UBE2E2: variants seen among roughly 807,000 people sequenced by gnomAD.
UBE2E2 encodes the protein ubiquitin conjugating enzyme E2 E2, also known as ubiquitin-conjugating enzyme E2 E2.
In UBE2E2, 6 loss-of-function variants were observed where a neutral mutation model predicts 24.7. The ratio of observed to expected loss-of-function variants is 0.24; its 90% confidence interval spans 0.13 to 0.48. The LOEUF is 0.48. Among genes scored for constraint, UBE2E2 ranks in the 20% least tolerant of loss-of-function variants. UBE2E2 has a pLI of 0.99. For synonymous variants in UBE2E2, 104 were observed against 83.6 expected (o/e 1.24, Z -1.33); for missense variants, 169 against 245.0 (o/e 0.69, Z 2.07).
Position 23,554,153 on chromosome 3 carries a change from G to A in UBE2E2, c.508+21452G>A, listed in dbSNP as rs1322852178. Among the ~76,000 whole-genome samples, 5 of 152,290 alleles carry A rather than the reference G, an allele frequency of 3.3e-5. No individual in the cohort carries two copies. The East Asian group carries it at 9.6e-4, about 29-fold the overall frequency. On this transcript the variant is annotated intron_variant, in intron 5 of 5. Transcript: ENST00000396703. ...TTTTAAATTTTATTTCAAAGCTATA[G>A]TATATAGCTATAGTAATCAAAACAG... is the stretch of plus-strand genomic sequence containing the variant.
chr3:23,245,017 A>G (rs1229872949), intron 3 of UBE2E2, among the ~76,000 whole-genome samples: 1 of 152,138 alleles, frequency 6.6e-6, no homozygotes, highest in Non-Finnish European at 1.5e-5. Context: ...CTGATTTCAG[A>G]TACTCCTTAT....
intron 3 of UBE2E2, among the ~76,000 whole-genome samples, chr3:23,412,693 A>G (rs912502905): frequency 6.6e-6 from 1 of 152,196 alleles, no homozygotes; most frequent in Non-Finnish European, 1.5e-5. Context: ...CCTTTATTCA[A>G]GTACACTGAC....
At chr3:23,565,933 C>T (rs944079053) in intron 5 of UBE2E2, among the ~76,000 whole-genome samples, 1 of 152,132 alleles carries the variant, frequency 6.6e-6, no homozygotes, top group Non-Finnish European at 1.5e-5. Flanking sequence ...ACCAGAATGA[C>T]AATGTAGACT....
At chr3:23,537,559 T>C (rs1480303511) in intron 5 of UBE2E2, among the ~76,000 whole-genome samples, 2 of 152,180 alleles carry the variant, frequency 1.3e-5, no homozygotes, top group Non-Finnish European at 2.9e-5. Context: ...TCTTCTCAAA[T>C]GGACTGAGCA....
intron 3 of UBE2E2, among the ~76,000 whole-genome samples, chr3:23,243,488 C>T (rs759698503): frequency 4.7e-4 from 71 of 152,272 alleles, no homozygotes; most frequent in Middle Eastern, 6.8e-3. Flanking sequence ...TCTTTCTGAT[C>T]ATTTTATTTT....
In UBE2E2 at chr3:23,583,827, G is replaced by T. The variant is rs955959303; in HGVS notation, c.509-5907G>T. Among the ~76,000 whole-genome samples the T allele has an allele frequency of 3.9e-5, 6 of 152,246 alleles. No individual in the cohort carries two copies. Among genetic ancestry groups the T allele is most frequent in the Non-Finnish European group, 5.9e-5 (4 of 68,018 alleles). ...AGGGAGCTTTGGGGCAGAGACAGTG[G>T]GGTTTTCTAGGTATAGAATCATATC... is the stretch of plus-strand genomic sequence containing the variant. On this transcript the variant is annotated intron_variant, in intron 5 of 5. Transcript: ENST00000396703. This position sits in a 1 kb window ranked among gnomAD's most constrained non-coding sequence, Gnocchi z 4.1.
At chr3:23,372,795 T>C (rs1291013608) in intron 3 of UBE2E2, among the ~76,000 whole-genome samples, 1 of 152,210 alleles carries the variant, frequency 6.6e-6, no homozygotes, top group Non-Finnish European at 1.5e-5. Flanking sequence ...ACTATATAGA[T>C]ATGGATTAAT....
chr3:23,306,775 T>C (rs1412714385), intron 3 of UBE2E2, among the ~76,000 whole-genome samples: 1 of 152,204 alleles, frequency 6.6e-6, no homozygotes, highest in Non-Finnish European at 1.5e-5. Flanking sequence ...CCATGGATGC[T>C]GATTTTAGAA....
chr3:23,493,569 G>A (rs1699543217), intron 3 of UBE2E2, among the ~76,000 whole-genome samples: 1 of 152,072 alleles, frequency 6.6e-6, no homozygotes, highest in African/African-American at 2.4e-5. Context: ...AAAACAGTAA[G>A]GGAATTGATC....
intron 5 of UBE2E2, among the ~76,000 whole-genome samples, chr3:23,533,995 A>G (rs1695193461): frequency 1.3e-5 from 2 of 152,314 alleles, no homozygotes; most frequent in South Asian, 4.1e-4. Flanking sequence ...TACAGACAGT[A>G]AAGTCCAATA....
At chr3:23,273,967 ATTC>A (rs1698317657) in intron 3 of UBE2E2, 1 of 152,252 alleles carries the variant, frequency 6.6e-6, no homozygotes, top group East Asian at 1.9e-4. Flanking sequence ...AACAAACTTG[ATTC>A]TTCTTACTGA....
chr3:23,368,705 A>G (rs925270689), intron 3 of UBE2E2, among the ~76,000 whole-genome samples: 1 of 152,168 alleles, frequency 6.6e-6, no homozygotes, highest in African/African-American at 2.4e-5. Context: ...GAGGTATTTC[A>G]CAAATACTCC....
chr3:23,296,839 G>A (rs1698924014), intron 3 of UBE2E2, among the ~76,000 whole-genome samples: 1 of 152,214 alleles, frequency 6.6e-6, no homozygotes, highest in Non-Finnish European at 1.5e-5. Context: ...TGGGATGGCT[G>A]GGTCAAATGG....
Position 23,419,658 on chromosome 3 carries a change from T to C in UBE2E2, c.228-79950T>C, listed in dbSNP as rs73823478. 5.4e-3 allele frequency among the ~76,000 whole-genome samples: 828 copies of C among 152,270 alleles called. 10 individuals carry two copies. Among genetic ancestry groups the C allele is most frequent in the African/African-American group, 0.018 (748 of 41,546 alleles). ...TAGTTTTGAAAAAAGCCAAACTAGATTGTGAGCTCCCTGAGAGCAGGGACA... is the reference window on the plus strand; with the variant it reads ...TAGTTTTGAAAAAAGCCAAACTAGACTGTGAGCTCCCTGAGAGCAGGGACA... On this transcript the variant is annotated intron_variant, in intron 3 of 5. Transcript: ENST00000396703.
At chr3:23,220,986 A>G (rs541399678) in intron 3 of UBE2E2, among the ~76,000 whole-genome samples, 71 of 152,352 alleles carry the variant, frequency 4.7e-4, no homozygotes, top group Non-Finnish European at 9.6e-4. Flanking sequence ...CCAAAGGATA[A>G]CTTGCTCCTC....
intron 3 of UBE2E2, among the ~76,000 whole-genome samples, chr3:23,448,892 A>G (rs1424060448): frequency 6.6e-6 from 1 of 152,168 alleles, no homozygotes; most frequent in African/African-American, 2.4e-5. Context: ...TAATGTCACA[A>G]ATTTTAGTGC....
chr3:23,508,192 G>C (rs185243219), intron 4 of UBE2E2, among the ~76,000 whole-genome samples: 59 of 152,258 alleles, frequency 3.9e-4, no homozygotes, highest in Non-Finnish European at 7.4e-4. Flanking sequence ...TGAATGTGAT[G>C]ATTAAAAATT....
chr3:23,254,257 A>G (rs112543545), intron 3 of UBE2E2, among the ~76,000 whole-genome samples: 3 of 152,224 alleles, frequency 2.0e-5, no homozygotes, highest in African/African-American at 4.8e-5. Flanking sequence ...CCTGATACCA[A>G]TCACACTTTA....
chr3:23,567,642 T>G (rs1575712794), intron 5 of UBE2E2, among the ~76,000 whole-genome samples: 1 of 151,894 alleles, frequency 6.6e-6, no homozygotes, highest in Non-Finnish European at 1.5e-5. Flanking sequence ...ACTTAAAGAG[T>G]CAGTGATCCT....
Sources: gnomAD v4.1 joint callset for allele counts (sites outside exome capture counted in the v4.1 genomes callset) on GRCh38, gnomAD v4.1.1 for gene constraint, Gnocchi (gnomAD v3.1) non-coding constraint, MANE v1.5 for transcripts, NCBI Gene and HGNC (gene_info 2026-07-23, HGNC 2026-07-21) for gene names.